The following LHFPL3 variants were observed in gnomAD, a reference collection of about 807,000 sequenced individuals.
LHFPL3 encodes the protein LHFPL tetraspan subfamily member 3 protein.
LHFPL3 carries 5 observed loss-of-function variants against 19.3 expected under a neutral mutation model. That is an observed-to-expected ratio of 0.26 (90% confidence interval 0.14 to 0.54). The LOEUF is 0.54. LHFPL3 is among the 20% of genes least tolerant of loss of function. The pLI is 0.94. For missense variants in LHFPL3, 249 were observed against 307.4 expected, an observed-to-expected ratio of 0.81 and a Z score of 1.42; for synonymous variants, 133 against 126.2, an observed-to-expected ratio of 1.05 and a Z score of -0.36.
At chr7:104,594,474 T>C (rs1258619096) in intron 1 of LHFPL3, among the ~76,000 whole-genome samples, 1 of 152,214 alleles carries the variant, frequency 6.6e-6, no homozygotes, top group East Asian at 1.9e-4. Context: ...TTAACACTTT[T>C]TCCTTCATTT....
At chr7:104,401,543 T>A (rs1341930494) in intron 1 of LHFPL3, among the ~76,000 whole-genome samples, 2 of 152,146 alleles carry the variant, frequency 1.3e-5, no homozygotes, top group African/African-American at 4.8e-5. Context: ...TTTAGATAAC[T>A]TAGAATTTGA....
chr7:104,675,612 A>G (rs9648932), intron 1 of LHFPL3, among the ~76,000 whole-genome samples: 63,327 of 151,960 alleles, frequency 0.42, 13,565 homozygotes, highest in East Asian at 0.58. Context: ...TATCATAGCA[A>G]CTTCCATTAG....
intron 1 of LHFPL3, among the ~76,000 whole-genome samples, chr7:104,433,143 T>C (rs1016486110): frequency 2.0e-5 from 3 of 152,234 alleles, no homozygotes; most frequent in Admixed American, 1.3e-4. Flanking sequence ...AAAATGTTAT[T>C]CTTTTATTTT....
intron 2 of LHFPL3, among the ~76,000 whole-genome samples, chr7:104,905,185 A>G (rs1222924343): frequency 6.6e-6 from 1 of 152,042 alleles, no homozygotes. Flanking sequence ...CAAACTTCTG[A>G]GCTCAAAAGA....
intron 2 of LHFPL3, among the ~76,000 whole-genome samples, chr7:104,902,716 G>T (rs1258375427): frequency 6.6e-6 from 1 of 152,160 alleles, no homozygotes; most frequent in East Asian, 1.9e-4. Context: ...AACCAGGGAG[G>T]CGGAGGTTAC....
At chr7:104,715,594 A>G (rs1584494066) in intron 1 of LHFPL3, among the ~76,000 whole-genome samples, 2 of 152,194 alleles carry the variant, frequency 1.3e-5, no homozygotes, top group Non-Finnish European at 2.9e-5. Context: ...GAGAGTTTTT[A>G]TCATGAAAGG....
At chr7:104,342,779 AC>A (rs1220510600) in intron 1 of LHFPL3, among the ~76,000 whole-genome samples, 3 of 152,144 alleles carry the variant, frequency 2.0e-5, no homozygotes, top group African/African-American at 7.2e-5. Flanking sequence ...TGGCCCCAGT[AC>A]CCACTAAAGT....
At chr7:104,338,287 G>C (rs1412893600) in intron 1 of LHFPL3, among the ~76,000 whole-genome samples, 1 of 151,816 alleles carries the variant, frequency 6.6e-6, no homozygotes, top group East Asian at 1.9e-4. Flanking sequence ...TTTTAGTAGA[G>C]ACGGGGTGTC....
chr7:104,711,710 C>A (rs553742008), intron 1 of LHFPL3, among the ~76,000 whole-genome samples: 1 of 152,280 alleles, frequency 6.6e-6, no homozygotes, highest in East Asian at 1.9e-4. Context: ...TTGGTCCCAA[C>A]AGGAAACCAT....
At chr7:104,424,646 G>A (rs961409442) in intron 1 of LHFPL3, among the ~76,000 whole-genome samples, 1 of 152,128 alleles carries the variant, frequency 6.6e-6, no homozygotes, top group Admixed American at 6.5e-5. Flanking sequence ...GGTAGAAGTC[G>A]GGGATGCTGC....
At chr7:104,825,433 G>A (rs369043654) in intron 2 of LHFPL3, among the ~76,000 whole-genome samples, 3 of 151,986 alleles carry the variant, frequency 2.0e-5, no homozygotes, top group South Asian at 2.1e-4. Flanking sequence ...TACCTTCTAG[G>A]TCTGTGATTT....
chr7:104,500,359 A>C (rs1220382192), intron 1 of LHFPL3, among the ~76,000 whole-genome samples: 1 of 152,234 alleles, frequency 6.6e-6, no homozygotes, highest in East Asian at 1.9e-4. Flanking sequence ...AGCTTAGTTT[A>C]TAATTTTACC....
chr7:104,789,323 C>G (rs1371882109), intron 2 of LHFPL3, among the ~76,000 whole-genome samples: 2 of 152,120 alleles, frequency 1.3e-5, no homozygotes, highest in Non-Finnish European at 2.9e-5. Context: ...AAGAAGAGAA[C>G]CTAACTCAGT....
intron 1 of LHFPL3, among the ~76,000 whole-genome samples, chr7:104,637,940 G>T (rs563651227): frequency 5.1e-4 from 77 of 150,546 alleles, no homozygotes; most frequent in Non-Finnish European, 1.0e-3. Context: ...GTCATTGGTA[G>T]TTTGATAGGA....
At chr7:104,332,218 C>CTTTTTT (rs1562866567) in intron 1 of LHFPL3, among the ~76,000 whole-genome samples, 3 of 95,892 alleles carry the variant, frequency 3.1e-5, no homozygotes, top group South Asian at 3.7e-4. Context: ...AATCCTATTT[C>CTTTTTT]TTTTCTTTTT....
intron 2 of LHFPL3, among the ~76,000 whole-genome samples, chr7:104,824,553 T>C (rs1223312478): frequency 1.2e-4 from 8 of 65,488 alleles, no homozygotes; most frequent in African/African-American, 4.6e-4. Context: ...TTATATATAA[T>C]ATATAATTAT....
chr7:104,695,327 C>T (rs2116151788), intron 1 of LHFPL3, among the ~76,000 whole-genome samples: 1 of 152,240 alleles, frequency 6.6e-6, no homozygotes, highest in Admixed American at 6.5e-5. Flanking sequence ...AATATAATTG[C>T]CACAGATGAG....
intron 1 of LHFPL3, among the ~76,000 whole-genome samples, chr7:104,585,079 C>T (rs1350085980): frequency 6.6e-6 from 1 of 152,080 alleles, no homozygotes; most frequent in South Asian, 2.1e-4. Context: ...CACTTTTTCC[C>T]CCTCTTGTCC....
chr7:104,677,533 C>G (rs2116071283), intron 1 of LHFPL3, among the ~76,000 whole-genome samples: 1 of 152,258 alleles, frequency 6.6e-6, no homozygotes, highest in East Asian at 1.9e-4. Flanking sequence ...TTGGATTTAC[C>G]TGTTCCAAAT....
Sources: gnomAD v4.1 joint callset for allele counts (sites outside exome capture counted in the v4.1 genomes callset) on GRCh38, gnomAD v4.1.1 for gene constraint, MANE v1.5 for transcripts, NCBI Gene and HGNC (gene_info 2026-07-23, HGNC 2026-07-21) for gene names.